Variants in DIAPH3 observed in about 807,000 individuals in gnomAD.
DIAPH3 encodes the protein diaphanous related formin 3, also known as protein diaphanous homolog 3.
DIAPH3 carries 117 observed loss-of-function variants against 144.3 expected under a neutral mutation model. The observed-to-expected ratio is 0.81, with a 90% confidence interval of 0.70 to 0.95. DIAPH3 has a LOEUF of 0.95. DIAPH3 is among the 40% of genes least tolerant of loss of function. DIAPH3 has a pLI of 0.00. For synonymous variants in DIAPH3, 519 were observed against 488.9 expected (o/e 1.06, Z -0.81); for missense variants, 1,421 against 1,412.7 (o/e 1.01, Z -0.09).
intron 24 of DIAPH3, 83 bp downstream of exon 24, chr13:59,833,024 A>G: frequency 9.6e-7 from 1 of 1,043,036 alleles, no homozygotes; most frequent in South Asian, 1.4e-5. Flanking sequence ...TCCTACAGCA[A>G]CAAGAGTAGA....
intron 1 of DIAPH3, among the ~76,000 whole-genome samples, chr13:60,148,141 A>C (rs1419340881): frequency 6.6e-6 from 1 of 152,218 alleles, no homozygotes; most frequent in African/African-American, 2.4e-5. Context: ...GACACTGACT[A>C]AGAGAATACA....
intron 24 of DIAPH3, 25 bp from the exon 25 acceptor site, chr13:59,810,948 A>C: frequency 6.3e-7 from 1 of 1,583,060 alleles, no homozygotes; most frequent in Non-Finnish European, 8.6e-7. Context: ...AAAAATGATC[A>C]ATTTTAACCA....
intron 22 of DIAPH3, among the ~76,000 whole-genome samples, chr13:59,852,915 G>A (rs1250966756): frequency 1.1e-4 from 17 of 151,966 alleles, no homozygotes; most frequent in African/African-American, 1.5e-4. Flanking sequence ...AAATAATCAC[G>A]GAAAAATAAC....
At chr13:59,973,057 G>A (rs1321942301) in intron 15 of DIAPH3, among the ~76,000 whole-genome samples, 1 of 152,130 alleles carries the variant, frequency 6.6e-6, no homozygotes, top group Non-Finnish European at 1.5e-5. Context: ...TCTAATTCTA[G>A]GTTTTCTTCT....
intron 27 of DIAPH3, among the ~76,000 whole-genome samples, chr13:59,720,838 C>T (rs1374570767): frequency 1.3e-5 from 2 of 151,974 alleles, no homozygotes; most frequent in Admixed American, 6.6e-5. Context: ...ATTTATCTGC[C>T]CCAATAACTC....
intron 25 of DIAPH3, among the ~76,000 whole-genome samples, chr13:59,806,262 C>T (rs1256702187): frequency 3.9e-5 from 6 of 151,906 alleles, no homozygotes; most frequent in East Asian, 3.8e-4. Flanking sequence ...CTGAGAAAGT[C>T]GGGCTAAAAA....
At chr13:59,871,023 G>A (rs2044236938) in intron 21 of DIAPH3, among the ~76,000 whole-genome samples, 1 of 152,120 alleles carries the variant, frequency 6.6e-6, no homozygotes, top group African/African-American at 2.4e-5. Flanking sequence ...TAATACCTAT[G>A]TATGGTTTTT....
At chr13:59,934,177 A>G (rs2048153854) in intron 17 of DIAPH3, among the ~76,000 whole-genome samples, 1 of 152,134 alleles carries the variant, frequency 6.6e-6, no homozygotes, top group South Asian at 2.1e-4. Flanking sequence ...TAAATCAGTA[A>G]ATGTTACTAA....
chr13:60,159,088 A>C (rs1166360877), intron 1 of DIAPH3, among the ~76,000 whole-genome samples: 1 of 152,108 alleles, frequency 6.6e-6, no homozygotes, highest in African/African-American at 2.4e-5. Flanking sequence ...TAATCTCATT[A>C]AGCTTACTGG....
intron 20 of DIAPH3, among the ~76,000 whole-genome samples, chr13:59,882,825 T>C (rs1002332614): frequency 6.6e-6 from 1 of 152,174 alleles, no homozygotes; most frequent in African/African-American, 2.4e-5. Flanking sequence ...CTGACAATAA[T>C]GAGATGTAAT....
chr13:59,839,255 C>G, intron 23 of DIAPH3, 69 bp downstream of exon 23: 2 of 1,589,132 alleles, frequency 1.3e-6, no homozygotes, highest in Non-Finnish European at 1.7e-6. Context: ...ACAAAGACAT[C>G]TAAAATATTA....
rs745458283 is a variant in DIAPH3, at chr13:59,810,970, C to G, written c.3028-47G>C. The G allele has an allele frequency of 3.3e-6, 5 of 1,530,146 alleles. No homozygotes were observed. The East Asian group carries it at 1.1e-4, about 35-fold the overall frequency. The allele number at this position is 1,530,146 out of a possible 1,614,324, so 94.8% of individuals were successfully genotyped here. A position where few individuals can be genotyped will look rare whatever the true frequency, so the allele number is the denominator to read the frequency against. ...ATCAATTTTAACCAGTGATTCATCC[C>G]GCAAAATGGAAAGTTATCTATTTGA... On this transcript the variant is annotated intron_variant, in intron 24 of 27. Transcript: ENST00000400324.
chr13:60,163,495 A>T, intron 1 of DIAPH3, 92 bp downstream of exon 1: 20 of 1,541,530 alleles, frequency 1.3e-5, no homozygotes, highest in Non-Finnish European at 1.7e-5. Flanking sequence ...CTAGAATAAA[A>T]CTTGGTCCCC....
chr13:59,927,546 T>C (rs1436066123), intron 17 of DIAPH3, among the ~76,000 whole-genome samples: 1 of 152,194 alleles, frequency 6.6e-6, no homozygotes, highest in Non-Finnish European at 1.5e-5. Context: ...TGCTTCCAGA[T>C]ATATGACTCC....
intron 5 of DIAPH3, among the ~76,000 whole-genome samples, chr13:60,031,504 T>C (rs1367724513): frequency 6.6e-6 from 1 of 152,146 alleles, no homozygotes; most frequent in Non-Finnish European, 1.5e-5. Context: ...AAGTCTTAAT[T>C]CATTCCAGCA....
At chr13:59,839,560 T>C in intron 22 of DIAPH3, 112 bp from the exon 23 acceptor site, 1 of 988,506 alleles carries the variant, frequency 1.0e-6, no homozygotes. Flanking sequence ...TGTAAGAAAA[T>C]TCATTATAAA....
chr13:59,881,219 G>A (rs2045019037), intron 20 of DIAPH3, among the ~76,000 whole-genome samples: 1 of 151,810 alleles, frequency 6.6e-6, no homozygotes, highest in South Asian at 2.1e-4. Flanking sequence ...CATTGCAAAA[G>A]GAAGATGTTC....
chr13:59,915,972 T>A (rs916287471), intron 19 of DIAPH3, among the ~76,000 whole-genome samples, 183 bp downstream of exon 19: 1 of 152,166 alleles, frequency 6.6e-6, no homozygotes, highest in African/African-American at 2.4e-5. Flanking sequence ...CTATTTCATG[T>A]GCAGTTAAGA....
At chr13:59,966,691 T>C (rs1287283083) in intron 17 of DIAPH3, among the ~76,000 whole-genome samples, 4 of 152,178 alleles carry the variant, frequency 2.6e-5, no homozygotes, top group Admixed American at 6.5e-5. Flanking sequence ...CTTTAAATGA[T>C]TGGATTCAGT....
Sources: allele counts gnomAD v4.1 joint callset (sites outside exome capture counted in the v4.1 genomes callset), GRCh38; gene constraint gnomAD v4.1.1; transcripts MANE v1.5; gene names NCBI Gene and HGNC (gene_info 2026-07-23, HGNC 2026-07-21).